HSPA12A: variants seen among roughly 807,000 people sequenced by gnomAD.
HSPA12A encodes the protein heat shock 70 kDa protein 12A.
HSPA12A carries 28 observed loss-of-function variants against 69.2 expected under a neutral mutation model. That is an observed-to-expected ratio of 0.40 (90% CI 0.30 to 0.55). The LOEUF (loss-of-function observed/expected upper bound fraction) is 0.55, where lower values mean the gene tolerates loss of function less well. Ranked by LOEUF, HSPA12A falls within the 20% of genes least tolerant of loss-of-function variation. The pLI is 0.38. For synonymous variants in HSPA12A, 345 were observed against 370.5 expected (o/e 0.93, Z 0.79); for missense variants, 686 against 900.7 (o/e 0.76, Z 3.05).
intron 2 of HSPA12A, among the ~76,000 whole-genome samples, chr10:116,804,141 C>T (rs1845018495): frequency 6.6e-6 from 1 of 152,164 alleles, no homozygotes; most frequent in South Asian, 2.1e-4. Context: ...TGTCCTTCCT[C>T]CCTCCTCCCT....
chr10:116,743,881 A>G (rs1851586872), upstream of HSPA12A, among the ~76,000 whole-genome samples: 2 of 152,254 alleles, frequency 1.3e-5, no homozygotes, highest in Non-Finnish European at 2.9e-5. Flanking sequence ...TATTTAACCT[A>G]TCTGAGCCTC....
At chr10:116,696,642 G>A (rs1037952344) in intron 5 of HSPA12A, among the ~76,000 whole-genome samples, 2 of 152,070 alleles carry the variant, frequency 1.3e-5, no homozygotes, top group Non-Finnish European at 2.9e-5. Flanking sequence ...TATCCCGGTG[G>A]CCACGTCACT....
chr10:116,742,756 C>A (rs1851558295), upstream of HSPA12A, among the ~76,000 whole-genome samples: 1 of 151,826 alleles, frequency 6.6e-6, no homozygotes, highest in Non-Finnish European at 1.5e-5. Context: ...CCAGAGCGGC[C>A]CGCCGAGGCC....
intron 10 of HSPA12A, 77 bp from the exon 11 acceptor site, chr10:116,676,579 C>A: frequency 1.8e-6 from 2 of 1,134,614 alleles, no homozygotes; most frequent in African/African-American, 1.5e-5. Context: ...TAGACACCTG[C>A]CCTGGCAGAA....
intron 2 of HSPA12A, among the ~76,000 whole-genome samples, chr10:116,796,881 G>A (rs1468365640): frequency 1.4e-5 from 2 of 147,050 alleles, no homozygotes; most frequent in Admixed American, 1.3e-4. Flanking sequence ...TTTGCAATCT[G>A]TCATTTCCAA....
At chr10:116,842,449 G>A (rs532050694) in intron 1 of HSPA12A, among the ~76,000 whole-genome samples, 2 of 152,056 alleles carry the variant, frequency 1.3e-5, no homozygotes, top group African/African-American at 2.4e-5. Context: ...AATAAAAGAA[G>A]TACAAATTAG....
rs541681379 is a variant in HSPA12A, at chr10:116,682,789, C to T, written c.836-912G>A. Among the ~76,000 whole-genome samples the T allele has an allele frequency of 3.2e-4, 48 of 152,130 alleles. 2 individuals carry two copies. The South Asian group carries it at 9.8e-3, about 31-fold the overall frequency. ...GATCTCGGCTCACTGCAAGCTCCGC[C>T]TCCCGGGTTCACGCCATTCTCCTGC... On this transcript the variant is annotated intron_variant, in intron 7 of 11. Transcript: ENST00000369209.
At chr10:116,819,110 C>G (rs1466460929) in intron 2 of HSPA12A, among the ~76,000 whole-genome samples, 1 of 152,192 alleles carries the variant, frequency 6.6e-6, no homozygotes, top group Non-Finnish European at 1.5e-5. Flanking sequence ...AGCAGCACCC[C>G]CAAGCCCTGT....
At chr10:116,677,129 G>A (rs938599101) in intron 10 of HSPA12A, among the ~76,000 whole-genome samples, 1 of 152,216 alleles carries the variant, frequency 6.6e-6, no homozygotes, top group African/African-American at 2.4e-5. Context: ...CTCCACGTCT[G>A]GAAGTCAGGG....
At chr10:116,815,097 C>A (rs557733002) in intron 2 of HSPA12A, among the ~76,000 whole-genome samples, 1 of 126,434 alleles carries the variant, frequency 7.9e-6, no homozygotes, top group African/African-American at 2.7e-5. Context: ...TTATCCCTAC[C>A]CATTTTTTTT....
intron 2 of HSPA12A, among the ~76,000 whole-genome samples, chr10:116,834,498 C>CA (rs1845675366): frequency 6.6e-6 from 1 of 152,130 alleles, no homozygotes; most frequent in South Asian, 2.1e-4. Context: ...AGAGGAGAGA[C>CA]ATGTTAAGGC....
chr10:116,842,778 T>A (rs1301582891), intron 1 of HSPA12A, among the ~76,000 whole-genome samples: 1 of 152,136 alleles, frequency 6.6e-6, no homozygotes, highest in African/African-American at 2.4e-5. Flanking sequence ...AAGTTTTGTA[T>A]TTTTAATAAA....
upstream of HSPA12A, among the ~76,000 whole-genome samples, chr10:116,745,040 C>T (rs1480265959): frequency 6.6e-6 from 1 of 152,154 alleles, no homozygotes; most frequent in African/African-American, 2.4e-5. Flanking sequence ...ACAGGCCCCA[C>T]CTGGGGGGTC....
intron 6 of HSPA12A, among the ~76,000 whole-genome samples, chr10:116,690,345 G>A (rs2907238): frequency 0.52 from 78,953 of 151,550 alleles, 20,908 homozygotes; most frequent in Middle Eastern, 0.65. Context: ...TGCCTACCAC[G>A]GTCCTGACAG....
chr10:116,803,893 G>A (rs1845011935), intron 2 of HSPA12A, among the ~76,000 whole-genome samples: 1 of 152,156 alleles, frequency 6.6e-6, no homozygotes, highest in Non-Finnish European at 1.5e-5. Flanking sequence ...TCTGTTTAAA[G>A]TCCACTCCCT....
chr10:116,849,401 T>C, intron 1 of HSPA12A: 2 of 923,190 alleles, frequency 2.2e-6, no homozygotes, highest in Non-Finnish European at 3.0e-6. Context: ...CGAGCGCAAA[T>C]ACCATCCTAG....
intron 1 of HSPA12A, among the ~76,000 whole-genome samples, chr10:116,720,871 G>C (rs192373343): frequency 2.0e-5 from 3 of 152,318 alleles, no homozygotes; most frequent in East Asian, 1.9e-4. Context: ...CTCTGAGAGA[G>C]GACGAGACAG....
chr10:116,678,052 G>A (rs1304024143), intron 10 of HSPA12A, among the ~76,000 whole-genome samples: 1 of 151,462 alleles, frequency 6.6e-6, no homozygotes, highest in Admixed American at 6.6e-5. Flanking sequence ...CCCTAAGTGA[G>A]CTGTAGTTCA....
intron 2 of HSPA12A, among the ~76,000 whole-genome samples, chr10:116,767,926 C>A (rs1554889940): frequency 6.6e-6 from 1 of 152,188 alleles, no homozygotes; most frequent in Non-Finnish European, 1.5e-5. Flanking sequence ...GCTACAAAAA[C>A]AGCCTTAAAA....
Sources: allele counts gnomAD v4.1 joint callset (sites outside exome capture counted in the v4.1 genomes callset), GRCh38; gene constraint gnomAD v4.1.1; transcripts MANE v1.5; gene names NCBI Gene and HGNC (gene_info 2026-07-23, HGNC 2026-07-21).